The following CCM2 variants were observed in gnomAD, a reference collection of about 807,000 sequenced individuals.
CCM2 encodes the protein CCM2 scaffold protein.
Under a neutral mutation model 44.9 loss-of-function variants are expected in CCM2, and 25 were observed. That is an observed-to-expected ratio of 0.56 (90% CI 0.41 to 0.78). CCM2 has a LOEUF of 0.78. CCM2 is among the 30% of genes least tolerant of loss of function. The pLI is 0.00. For missense variants in CCM2, 481 were observed against 580.6 expected, an observed-to-expected ratio of 0.83 and a Z score of 1.76; for synonymous variants, 219 against 241.1, an observed-to-expected ratio of 0.91 and a Z score of 0.85.
intron 1 of CCM2, among the ~76,000 whole-genome samples, chr7:45,022,079 G>A (rs1796502963): frequency 6.6e-6 from 1 of 152,070 alleles, no homozygotes; most frequent in African/African-American, 2.4e-5. Flanking sequence ...AGCACACCTA[G>A]GACTTTATTG....
intron 2 of CCM2, among the ~76,000 whole-genome samples, chr7:45,060,611 A>C (rs570430715): frequency 6.6e-6 from 1 of 152,164 alleles, no homozygotes; most frequent in Non-Finnish European, 1.5e-5. Flanking sequence ...GTTCTTGCAT[A>C]TTCTGTTTTC....
At chr7:45,013,513 C>T (rs1796144773) in intron 1 of CCM2, among the ~76,000 whole-genome samples, 1 of 152,082 alleles carries the variant, frequency 6.6e-6, no homozygotes, top group Non-Finnish European at 1.5e-5. Flanking sequence ...GACCCTTTAA[C>T]ACTTCAACTG....
At chr7:45,016,637 C>T (rs1193081172) in intron 1 of CCM2, among the ~76,000 whole-genome samples, 1 of 140,834 alleles carries the variant, frequency 7.1e-6, no homozygotes. Flanking sequence ...CCCAAACATG[C>T]ATCTTTTTTT....
intron 8 of CCM2, 69 bp downstream of exon 8, chr7:45,073,640 GGGAGGA>G (rs971005116): frequency 1.6e-5 from 18 of 1,102,138 alleles, no homozygotes; most frequent in Admixed American, 3.8e-5. Context: ...TGGGGGGAAG[GGGAGGA>G]GGAGGAGGAG....
At chr7:45,042,560 G>GT (rs1797563404) in intron 2 of CCM2, among the ~76,000 whole-genome samples, 11 of 152,102 alleles carry the variant, frequency 7.2e-5, no homozygotes, top group Admixed American at 7.2e-4. Context: ...TTTACTCATA[G>GT]GGGAAAACAG....
intron 1 of CCM2, 70 bp from the exon 2 acceptor site, chr7:45,038,183 T>C: frequency 6.3e-7 from 1 of 1,592,242 alleles, no homozygotes; most frequent in Non-Finnish European, 8.6e-7. Flanking sequence ...TACTTCTGTT[T>C]GTTAACCATA....
intron 2 of CCM2, among the ~76,000 whole-genome samples, chr7:45,054,500 CTT>C (rs907730636): frequency 1.3e-5 from 2 of 151,064 alleles, no homozygotes; most frequent in East Asian, 1.9e-4. Context: ...AAAAAAAACA[CTT>C]ATATCTTGTC....
intron 2 of CCM2, among the ~76,000 whole-genome samples, chr7:45,044,342 T>A (rs1183199720): frequency 6.6e-6 from 1 of 152,214 alleles, no homozygotes; most frequent in East Asian, 1.9e-4. Context: ...TTCACCGTGT[T>A]GGTCAGGATG....
intron 6 of CCM2, chr7:45,071,531 C>G (rs1799071975): frequency 3.2e-6 from 1 of 316,452 alleles, no homozygotes; most frequent in Non-Finnish European, 6.2e-6. Context: ...GTTCTCTCTA[C>G]TACAGCTATG....
intron 1 of CCM2, among the ~76,000 whole-genome samples, chr7:45,014,863 C>A (rs1034146841): frequency 6.6e-6 from 1 of 152,032 alleles, no homozygotes; most frequent in African/African-American, 2.4e-5. Flanking sequence ...ATCGGCTGAT[C>A]GGCCCACCTC....
chr7:45,022,569 G>C (rs1222851942), intron 1 of CCM2, among the ~76,000 whole-genome samples: 3 of 151,742 alleles, frequency 2.0e-5, no homozygotes, highest in Non-Finnish European at 4.4e-5. Flanking sequence ...GCCTCCCAAA[G>C]TGCTGGGATT....
At chr7:45,032,646 G>A (rs947672262) in intron 1 of CCM2, among the ~76,000 whole-genome samples, 2 of 152,126 alleles carry the variant, frequency 1.3e-5, no homozygotes, top group South Asian at 4.1e-4. Context: ...TAACCAAAGG[G>A]CCTCCCCAGA....
In CCM2 at chr7:45,072,883, A is replaced by G. The variant is rs543823421; in HGVS notation, c.803+100A>G. ...CCAGTCAGCTCCCCCATCTCAGCTCACCCTCGCTAAGCCATCCCCAGACCC... is the reference window on the plus strand; with the variant it reads ...CCAGTCAGCTCCCCCATCTCAGCTCGCCCTCGCTAAGCCATCCCCAGACCC... On this transcript the variant is annotated intron_variant, in intron 7 of 9. Coordinates refer to ENST00000258781, the MANE Select transcript of CCM2 (RefSeq NM_031443.4). 3 of 998,024 alleles carry G rather than the reference A, an allele frequency of 3.0e-6. No individual in the cohort carries two copies. The South Asian group carries it at 3.9e-5, about 13-fold the overall frequency. The allele number at this position is 998,024 out of a possible 1,614,324, so 61.8% of individuals were successfully genotyped here.
chr7:45,037,034 G>C (rs1406930743), intron 1 of CCM2, among the ~76,000 whole-genome samples: 7 of 152,154 alleles, frequency 4.6e-5, no homozygotes, highest in Non-Finnish European at 8.8e-5. Context: ...AGGCCTGCGT[G>C]ATGTTTCCTT....
chr7:45,034,260 G>A (rs1177033536), intron 1 of CCM2, among the ~76,000 whole-genome samples: 1 of 151,618 alleles, frequency 6.6e-6, no homozygotes, highest in East Asian at 1.9e-4. Flanking sequence ...TGCCCAGGCT[G>A]GAGTGCAATG....
At position 45,063,920 on chromosome 7, in the gene CCM2, T is replaced by C. The variant is rs1798641213; in HGVS notation, c.207T>C (p.Tyr69=). ...TTTTTTTCTTCACTTTCTTTCAGTATTTAGGTCAGTTAACGTCCATACCAG... is the reference window on the plus strand; with the variant it reads ...TTTTTTTCTTCACTTTCTTTCAGTACTTAGGTCAGTTAACGTCCATACCAG... ...LSDYIEKEVK[Y]LGQLTSIPGY... Residue 69 remains tyrosine (Y), a splice_region_variant and synonymous_variant, in exon 3 of 10, where the codon TAT becomes TAC. Coordinates refer to ENST00000258781, the MANE Select transcript of CCM2 (RefSeq NM_031443.4). 3 of 1,606,756 alleles carry C rather than the reference T, an allele frequency of 1.9e-6. No individual in the cohort carries two copies. The Admixed American group carries it at 5.0e-5, about 27-fold the overall frequency.
intron 2 of CCM2, among the ~76,000 whole-genome samples, chr7:45,062,347 T>C (rs1031601088): frequency 1.3e-5 from 2 of 152,202 alleles, no homozygotes; most frequent in Non-Finnish European, 2.9e-5. Context: ...GAAAATGTTA[T>C]GGTGGTTGGT....
intron 1 of CCM2, among the ~76,000 whole-genome samples, chr7:45,010,910 T>C (rs1354393025): frequency 6.6e-6 from 1 of 152,198 alleles, no homozygotes; most frequent in Non-Finnish European, 1.5e-5. Flanking sequence ...AATGAGTCAT[T>C]ATGTGAACAT....
At chr7:45,066,184 A>G (rs988840758) in intron 4 of CCM2, among the ~76,000 whole-genome samples, 1 of 152,154 alleles carries the variant, frequency 6.6e-6, no homozygotes, top group African/African-American at 2.4e-5. Flanking sequence ...AGAACTTTTG[A>G]TTTAAAGGAA....
Sources: allele counts gnomAD v4.1 joint callset (sites outside exome capture counted in the v4.1 genomes callset), GRCh38; gene constraint gnomAD v4.1.1; transcripts MANE v1.5; gene names NCBI Gene and HGNC (gene_info 2026-07-23, HGNC 2026-07-21).